Variants in NUBPL observed in about 807,000 individuals in gnomAD.
NUBPL encodes the protein NUBP iron-sulfur cluster assembly factor, mitochondrial.
In NUBPL, 31 loss-of-function variants were observed where a neutral mutation model predicts 45.7. The observed-to-expected ratio is 0.68, with a 90% CI of 0.51 to 0.92. The LOEUF (loss-of-function observed/expected upper bound fraction) is 0.92. Ranked by LOEUF, NUBPL falls within the 40% of genes least tolerant of loss-of-function variation. The probability of loss-of-function intolerance (pLI) is 0.00; values close to 1 mark genes in which losing one functional copy is unlikely to be tolerated. For missense variants in NUBPL, 401 were observed against 398.7 expected (o/e 1.01, Z -0.05); for synonymous variants, 144 against 140.9 (o/e 1.02, Z -0.15).
At chr14:31,756,326 C>A (rs990449552) in intron 6 of NUBPL, among the ~76,000 whole-genome samples, 1 of 152,048 alleles carries the variant, frequency 6.6e-6, no homozygotes, top group Non-Finnish European at 1.5e-5. Context: ...TTCTTCCTAC[C>A]CATGAGCATG....
intron 7 of NUBPL, among the ~76,000 whole-genome samples, chr14:31,798,640 A>G (rs1400660008): frequency 6.6e-6 from 1 of 151,530 alleles, no homozygotes; most frequent in Non-Finnish European, 1.5e-5. Flanking sequence ...AAAAAACAAA[A>G]AATTAGCCGG....
At position 31,586,321 on chromosome 14, in the gene NUBPL, G is replaced by A. The variant is rs140162716; in HGVS notation, c.292-12968G>A. ...GTGGGTATAAATAGTATATTAATAC[G>A]AGAACAGAGAGAAATTAATTCCAGT... On this transcript the variant is annotated intron_variant, in intron 3 of 10. Transcript: ENST00000281081. Among the ~76,000 whole-genome samples the A allele has an allele frequency of 8.1e-3, 1,231 of 152,270 alleles. 21 individuals are homozygous for A. Among genetic ancestry groups the A allele is most frequent in the African/African-American group, 0.027 (1,138 of 41,562 alleles).
intron 6 of NUBPL, among the ~76,000 whole-genome samples, chr14:31,784,551 A>G (rs1263051025): frequency 6.6e-6 from 1 of 152,220 alleles, no homozygotes; most frequent in African/African-American, 2.4e-5. Context: ...TTTGCCTGTC[A>G]TGTGACTCAG....
At chr14:31,758,811 A>G (rs2038732401) in intron 6 of NUBPL, among the ~76,000 whole-genome samples, 1 of 152,194 alleles carries the variant, frequency 6.6e-6, no homozygotes, top group Non-Finnish European at 1.5e-5. Flanking sequence ...ATTGAATAAA[A>G]TGATCTGTTT....
At chr14:31,605,926 C>T (rs530615633) in intron 4 of NUBPL, among the ~76,000 whole-genome samples, 6 of 147,534 alleles carry the variant, frequency 4.1e-5, no homozygotes, top group African/African-American at 1.5e-4. Flanking sequence ...CTCCTCCCTT[C>T]TCCCTCCTCC....
chr14:31,701,792 C>T lies in NUBPL; in HGVS notation c.513+28218C>T, dbSNP rs184821477. On this transcript the variant is annotated intron_variant, in intron 6 of 10. Coordinates refer to ENST00000281081, the MANE Select transcript of NUBPL (RefSeq NM_025152.3). Reference sequence around the variant, plus strand: ...AACTTTAACACTCACTGCGAGGGTCCGCGGCTTCATTCTTGAAGTCAGTGA... The same window carrying T: ...AACTTTAACACTCACTGCGAGGGTCTGCGGCTTCATTCTTGAAGTCAGTGA... Among the ~76,000 whole-genome samples, 24 of 152,226 alleles carry T rather than the reference C, an allele frequency of 1.6e-4. No individual in the cohort carries two copies. The East Asian group carries it at 2.1e-3, about 13-fold the overall frequency.
intron 7 of NUBPL, among the ~76,000 whole-genome samples, chr14:31,799,240 A>C (rs530118257): frequency 6.8e-4 from 104 of 152,244 alleles, no homozygotes; most frequent in East Asian, 2.1e-3. Context: ...CACACACACA[A>C]AAAAATCCTT....
chr14:31,834,550 CT>C (rs1342803185), intron 8 of NUBPL, among the ~76,000 whole-genome samples: 2 of 152,144 alleles, frequency 1.3e-5, no homozygotes, highest in Non-Finnish European at 2.9e-5. Context: ...ATTAGACGAT[CT>C]TTATTACCTT....
intron 6 of NUBPL, among the ~76,000 whole-genome samples, chr14:31,712,081 C>T (rs945238058): frequency 6.6e-6 from 1 of 152,172 alleles, no homozygotes; most frequent in African/African-American, 2.4e-5. Flanking sequence ...GGACCCGGAG[C>T]GGGTTGCTGG....
At chr14:31,638,381 G>A (rs1186114315) in intron 4 of NUBPL, among the ~76,000 whole-genome samples, 1 of 151,534 alleles carries the variant, frequency 6.6e-6, no homozygotes, top group African/African-American at 2.4e-5. Context: ...ATTCTGGGTT[G>A]AAAATTCTTT....
intron 6 of NUBPL, among the ~76,000 whole-genome samples, chr14:31,679,720 G>T (rs552609640): frequency 6.6e-6 from 1 of 152,104 alleles, no homozygotes; most frequent in East Asian, 1.9e-4. Flanking sequence ...TTTTTCAATT[G>T]TTTTGGCTGC....
At chr14:31,668,391 T>C (rs2036489452) in intron 4 of NUBPL, among the ~76,000 whole-genome samples, 1 of 152,164 alleles carries the variant, frequency 6.6e-6, no homozygotes, top group African/African-American at 2.4e-5. Context: ...AGCCTCAGTA[T>C]TGGTTGACGC....
At chr14:31,608,342 T>A (rs1245305159) in intron 4 of NUBPL, among the ~76,000 whole-genome samples, 1 of 151,932 alleles carries the variant, frequency 6.6e-6, no homozygotes, top group Non-Finnish European at 1.5e-5. Flanking sequence ...TCACCTGAGG[T>A]CAGGAGTTCG....
chr14:31,602,964 A>G (rs933922213), intron 4 of NUBPL, among the ~76,000 whole-genome samples: 65 of 152,272 alleles, frequency 4.3e-4, no homozygotes, highest in African/African-American at 1.5e-3. Flanking sequence ...TTGTTATTGC[A>G]TTTAAAAAAT....
chr14:31,756,877 C>G (rs1027389615), intron 6 of NUBPL, among the ~76,000 whole-genome samples: 2 of 149,154 alleles, frequency 1.3e-5, no homozygotes, highest in African/African-American at 4.9e-5. Context: ...TACGTCCCAT[C>G]AATACCTAAT....
chr14:31,666,263 A>ATATATATATATATT, intron 4 of NUBPL, among the ~76,000 whole-genome samples: 1 of 111,886 alleles, frequency 8.9e-6, no homozygotes, highest in Non-Finnish European at 1.9e-5. Flanking sequence ...ATATATATAT[A>ATATATATATATATT]ATTTTATTTT....
At chr14:31,754,591 CTTTT>C (rs59085679) in intron 6 of NUBPL, among the ~76,000 whole-genome samples, 48,595 of 103,356 alleles carry the variant, frequency 0.47, 8,046 homozygotes, top group African/African-American at 0.61. Flanking sequence ...AGAGGGTTTT[CTTTT>C]TTTTTTTTTT....
chr14:31,736,142 A>G (rs949770649), intron 6 of NUBPL, among the ~76,000 whole-genome samples: 1 of 152,194 alleles, frequency 6.6e-6, no homozygotes, highest in Non-Finnish European at 1.5e-5. Flanking sequence ...TATTTTGTGC[A>G]TAGAATTTTT....
In NUBPL at chr14:31,743,986, A is replaced by C. The variant is rs181431524; in HGVS notation, c.514-43794A>C. On this transcript the variant is annotated intron_variant, in intron 6 of 10. Transcript: ENST00000281081. ...TAACTCTCTGTTTCTCATCTTATGC[A>C]GTTTAAGGATAATATATTAGATGAA... 2.1e-3 allele frequency among the ~76,000 whole-genome samples: 318 copies of C among 152,310 alleles called. 1 individual carries two copies. Among genetic ancestry groups the C allele is most frequent in the African/African-American group, 7.3e-3 (304 of 41,574 alleles).
Sources: allele counts gnomAD v4.1 joint callset (sites outside exome capture counted in the v4.1 genomes callset), GRCh38; gene constraint gnomAD v4.1.1; transcripts MANE v1.5; gene names NCBI Gene and HGNC (gene_info 2026-07-23, HGNC 2026-07-21).